Variants in CPOX observed in about 807,000 individuals in gnomAD.
The protein encoded by CPOX is oxygen-dependent coproporphyrinogen-III oxidase, mitochondrial.
Under a neutral mutation model 48.9 loss-of-function variants are expected in CPOX, and 24 were observed. The observed-to-expected ratio is 0.49, with a 90% CI of 0.36 to 0.69. The LOEUF (loss-of-function observed/expected upper bound fraction) is 0.69. Among genes scored for constraint, CPOX ranks in the 30% least tolerant of loss-of-function variants. The probability of loss-of-function intolerance (pLI) is 0.00; values close to 1 mark genes in which losing one functional copy is unlikely to be tolerated. For synonymous variants in CPOX, 249 were observed against 234.6 expected (o/e 1.06, Z -0.56); for missense variants, 549 against 597.3 (o/e 0.92, Z 0.84).
In CPOX at chr3:98,588,730, G is replaced by A. The variant is rs748245146; in HGVS notation, c.936C>T (p.Tyr312=). 1.9e-6 allele frequency: 3 copies of A among 1,614,154 alleles called. No homozygotes were observed. The Admixed American group carries it at 5.0e-5, about 27-fold the overall frequency. ...TTACCTACCATTTTTTAAATTTGGG[G>A]TAGAGATCTGGACCATGCTGGTCAC... The part of the protein sequence containing the change: ...EACDQHGPDL[Y]PKFKKWCDDY... Residue 312 remains tyrosine, a synonymous_variant, in exon 4 of 7, where the codon TAC becomes TAT. Coordinates refer to ENST00000647941, the MANE Select transcript of CPOX (RefSeq NM_000097.7).
chr3:98,590,642 T>G lies in CPOX; in HGVS notation c.801A>C (p.Glu267Asp), dbSNP rs568275152. 5.6e-6 allele frequency: 9 copies of G among 1,609,906 alleles called. No homozygotes were observed. In the South Asian group the frequency reaches 9.9e-5, roughly 18 times the overall value. ...TCCTGAGACCCTTACCATCAGCTTC[T>G]TCTACTTCAAAGTATCTGTAGTTGA... is the stretch of plus-strand genomic sequence containing the variant. Reference protein sequence around the residue: ...IHFNYRYFEVEEADGNKQWWF... With the variant: ...IHFNYRYFEVDEADGNKQWWF... Residue 267 changes from glutamate (E) to aspartate (D), a missense_variant, in exon 3 of 7, where the codon GAA (glutamate) becomes GAC (aspartate). Around this residue, in one of 2 missense-constraint regions of CPOX, gnomAD observed 213 missense variants for 279.1 expected, o/e 0.76. Transcript: ENST00000647941.
At chr3:98,589,139 T>C (rs1394028600) in intron 3 of CPOX, among the ~76,000 whole-genome samples, 2 of 152,046 alleles carry the variant, frequency 1.3e-5, no homozygotes, top group Non-Finnish European at 1.5e-5. Context: ...GGCCAATATA[T>C]GGTGAAACCT....
chr3:98,581,543 C>T, intron 5 of CPOX, 32 bp from the exon 6 acceptor site: 1 of 1,520,550 alleles, frequency 6.6e-7, no homozygotes, highest in African/African-American at 1.4e-5. Flanking sequence ...ACATTAAGGG[C>T]CAGCTCAATA....
chr3:98,585,006 C>G (rs1372889720), intron 5 of CPOX, among the ~76,000 whole-genome samples: 1 of 152,096 alleles, frequency 6.6e-6, no homozygotes, highest in Non-Finnish European at 1.5e-5. Flanking sequence ...ACATCAGATA[C>G]AAAATGCCTA....
Position 98,590,627 on chromosome 3 carries a change from C to G in CPOX, c.811+5G>C. 3.8e-6 allele frequency: 6 copies of G among 1,592,408 alleles called. No individual in the cohort carries two copies. The highest frequency in any genetic ancestry group is 5.2e-6 in the Non-Finnish European group (6 of 1,160,350). On this transcript the variant is annotated splice_donor_5th_base_variant and intron_variant, in intron 3 of 6. Coordinates refer to ENST00000647941, the MANE Select transcript of CPOX (RefSeq NM_000097.7). ...AGTACTTTCCGTAGCTCCTGAGACC[C>G]TTACCATCAGCTTCTTCTACTTCAA...
chr3:98,579,466 AATTT>A lies in CPOX; in HGVS notation c.*1213_*1216del, dbSNP rs1707210431. ...ATTTCTTAGTCTTATTTAATAATAAAATTTATTAGCAGATCTCTTGTAAGACAGT... is the reference window on the plus strand; with the variant it reads ...ATTTCTTAGTCTTATTTAATAATAAAATTAGCAGATCTCTTGTAAGACAGT... On this transcript the variant is annotated 3_prime_UTR_variant, in exon 7 of 7. Coordinates refer to ENST00000647941, the MANE Select transcript of CPOX (RefSeq NM_000097.7). 2 of 817,008 alleles carry A rather than the reference AATTT, an allele frequency of 2.4e-6. No homozygotes were observed. The highest frequency in any genetic ancestry group is 1.2e-4 in the East Asian group (1 of 8,016). The allele number at this position is 817,008 out of a possible 1,614,324, so 50.6% of individuals were successfully genotyped here.
the CPOX span, among the ~76,000 whole-genome samples, chr3:98,572,597 TAA>T: frequency 4.6e-5 from 7 of 152,218 alleles, no homozygotes; most frequent in African/African-American, 1.7e-4. Context: ...GTCTCTCACT[TAA>T]GTTTGGTTTA....
chr3:98,588,402 T>C (rs550739980), intron 4 of CPOX, among the ~76,000 whole-genome samples: 1 of 152,298 alleles, frequency 6.6e-6, no homozygotes, highest in Non-Finnish European at 1.5e-5. Flanking sequence ...TCATCTGGAA[T>C]AAGAATTTAA....
chr3:98,585,580 G>A lies in CPOX; in HGVS notation c.1033C>T (p.Pro345Ser). The A allele has an allele frequency of 4.3e-6, 7 of 1,614,106 alleles. No homozygotes were observed. Among genetic ancestry groups the A allele is most frequent in the Non-Finnish European group, 5.9e-6 (7 of 1,180,028 alleles). The stretch of plus-strand genomic sequence containing the variant: ...AAGCGAAACACCTCCTCCTTGGACG[G>A]AGAGTCAAGATCATCAAAAAAGATA... Reference protein sequence around the residue: ...GGIFFDDLDSPSKEEVFRFVQ... With the variant: ...GGIFFDDLDSSSKEEVFRFVQ... Residue 345 changes from proline to serine, a missense_variant, in exon 5 of 7, where the codon CCG becomes TCG. This residue lies in a region of CPOX where 213 missense variants were observed against 279.1 expected (regional missense o/e 0.76). Coordinates refer to ENST00000647941, the MANE Select transcript of CPOX (RefSeq NM_000097.7).
chr3:98,578,255 C>T (rs181419770), downstream of CPOX: 165 of 974,894 alleles, frequency 1.7e-4, no homozygotes, highest in African/African-American at 2.4e-3. Flanking sequence ...AGTAGAAATA[C>T]GTGGTTATTG....
At chr3:98,581,233 G>C (rs979918656) in intron 6 of CPOX, among the ~76,000 whole-genome samples, 174 bp downstream of exon 6, 7 of 151,924 alleles carry the variant, frequency 4.6e-5, no homozygotes, top group Non-Finnish European at 8.8e-5. Context: ...CCATGTCACC[G>C]CTTAAAATAC....
At chr3:98,592,702 C>T (rs906038579) in intron 1 of CPOX, among the ~76,000 whole-genome samples, 5 of 152,078 alleles carry the variant, frequency 3.3e-5, no homozygotes, top group South Asian at 4.2e-4. Flanking sequence ...AATGCTGCTA[C>T]GGAATTGCAA....
chr3:98,571,789 G>C, the CPOX span, among the ~76,000 whole-genome samples: 1 of 151,998 alleles, frequency 6.6e-6, no homozygotes, highest in Non-Finnish European at 1.5e-5. Flanking sequence ...CTAGATATGA[G>C]TAATTTTGGT....
At chr3:98,572,865 T>C in the CPOX span, among the ~76,000 whole-genome samples, 1 of 152,178 alleles carries the variant, frequency 6.6e-6, no homozygotes, top group Non-Finnish European at 1.5e-5. Context: ...GTATACACTA[T>C]TTGAATAAGC....
intron 3 of CPOX, among the ~76,000 whole-genome samples, chr3:98,589,086 C>CA (rs1354442533): frequency 6.6e-6 from 1 of 152,106 alleles, no homozygotes; most frequent in Non-Finnish European, 1.5e-5. Context: ...TTGGGAGGCC[C>CA]AGGCAGGCAG....
chr3:98,582,163 C>T lies in CPOX; in HGVS notation c.1173-652G>A, dbSNP rs563483030. Among the ~76,000 whole-genome samples the T allele has an allele frequency of 3.3e-5, 5 of 152,050 alleles. No individual in the cohort carries two copies. The South Asian group carries it at 8.3e-4, about 25-fold the overall frequency. Reference sequence around the variant, plus strand: ...TTTTTTTTTTAAATACCCTTAGCATCAACTAAAACTTGGTTCAATATGTTA... The same window carrying T: ...TTTTTTTTTTAAATACCCTTAGCATTAACTAAAACTTGGTTCAATATGTTA... On this transcript the variant is annotated intron_variant, in intron 5 of 6. Coordinates refer to ENST00000647941, the MANE Select transcript of CPOX (RefSeq NM_000097.7).
chr3:98,590,745 G>A lies in CPOX; in HGVS notation c.701-3C>T, dbSNP rs1220897900. On this transcript the variant is annotated splice_polypyrimidine_tract_variant and splice_region_variant and intron_variant, in intron 2 of 6. Coordinates refer to ENST00000647941, the MANE Select transcript of CPOX (RefSeq NM_000097.7). ...CATAGCACAAAATGGCAATTTACCT[G>A]GAAAGTAAAATATGAGTCATGAGCT... 1.9e-6 allele frequency: 3 copies of A among 1,598,258 alleles called. No homozygotes were observed. Among genetic ancestry groups the A allele is most frequent in the Non-Finnish European group, 1.7e-6 (2 of 1,165,674 alleles).
rs565776283 is a variant in CPOX at position 98,593,107 on chromosome 3, G to A, written c.398C>T (p.Pro133Leu). The change falls in exon 1 of 7, where the codon CCG (proline) becomes CTG (leucine). Residue 133 changes from proline to leucine, a missense_variant. Physicochemically the swap from Pro to Leu is moderately conservative, Grantham distance 98. Coordinates refer to ENST00000647941, the MANE Select transcript of CPOX (RefSeq NM_000097.7). Reference protein sequence around the residue: ...LAHRCSSFMAPPVTDLGELRR... With the variant: ...LAHRCSSFMALPVTDLGELRR... ...CAGCTCGCCCAGGTCGGTCACAGGC[G>A]GGGCCATGAAGCTGCTGCAGCGGTG... 1.9e-6 allele frequency: 3 copies of A among 1,613,712 alleles called. No homozygotes were observed. The highest frequency in any genetic ancestry group is 1.1e-5 in the South Asian group (1 of 91,028).
At chr3:98,589,019 G>GA (rs1337939883) in intron 3 of CPOX, among the ~76,000 whole-genome samples, 165 bp from the exon 4 acceptor site, 2 of 152,150 alleles carry the variant, frequency 1.3e-5, no homozygotes, top group South Asian at 2.1e-4. Context: ...GGCCTAGGCA[G>GA]AAAAAAAGAG....
Sources: gnomAD v4.1 joint callset for allele counts (sites outside exome capture counted in the v4.1 genomes callset) on GRCh38, gnomAD v4.1.1 for gene constraint, gnomAD v4.1.1 regional missense constraint, MANE v1.5 for transcripts, NCBI Gene and HGNC (gene_info 2026-07-23, HGNC 2026-07-21) for gene names.